Variants in MGAT4C observed in about 807,000 individuals in gnomAD.
MGAT4C encodes MGAT4 family member C, also known as alpha-1,3-mannosyl-glycoprotein 4-beta-N-acetylglucosaminyltransferase C.
Under a neutral mutation model 40.1 loss-of-function variants are expected in MGAT4C, and 19 were observed. The ratio of observed to expected loss-of-function variants is 0.47; its 90% confidence interval spans 0.33 to 0.70. The LOEUF (loss-of-function observed/expected upper bound fraction) is 0.70, where lower values mean the gene tolerates loss of function less well. Among genes scored for constraint, MGAT4C ranks in the 30% least tolerant of loss-of-function variants. MGAT4C has a pLI of 0.02. For missense variants in MGAT4C, 491 were observed against 563.2 expected (o/e 0.87, Z 1.30); for synonymous variants, 181 against 187.1 (o/e 0.97, Z 0.27).
At chr12:86,081,262 T>A (rs1870791655) in intron 1 of MGAT4C, among the ~76,000 whole-genome samples, 1 of 152,168 alleles carries the variant, frequency 6.6e-6, no homozygotes. Context: ...TAAGGAACAA[T>A]AATGAATTGA....
intron 2 of MGAT4C, among the ~76,000 whole-genome samples, chr12:86,696,600 C>T (rs1275983829): frequency 1.3e-5 from 2 of 152,122 alleles, no homozygotes; most frequent in African/African-American, 4.8e-5. Context: ...TTTTTATGAC[C>T]ATCTCATTTG....
At chr12:86,832,428 T>A (rs1193966539) in intron 1 of MGAT4C, among the ~76,000 whole-genome samples, 2 of 151,788 alleles carry the variant, frequency 1.3e-5, no homozygotes, top group African/African-American at 4.8e-5. Flanking sequence ...TTATCCATAC[T>A]CATTCAGCAA....
chr12:86,721,480 C>T (rs879625765), intron 2 of MGAT4C, among the ~76,000 whole-genome samples: 4 of 151,982 alleles, frequency 2.6e-5, no homozygotes, highest in Middle Eastern at 3.2e-3. Flanking sequence ...TTGGATTCAC[C>T]TTTAAAATGT....
chr12:86,810,947 G>C (rs1952459686), intron 1 of MGAT4C, among the ~76,000 whole-genome samples: 1 of 149,946 alleles, frequency 6.7e-6, no homozygotes, highest in African/African-American at 2.4e-5. Flanking sequence ...CCTGCTTTTT[G>C]CTCTGAGTTT....
intron 2 of MGAT4C, among the ~76,000 whole-genome samples, chr12:86,539,697 T>C (rs1170787399): frequency 6.6e-6 from 1 of 152,230 alleles, no homozygotes; most frequent in Non-Finnish European, 1.5e-5. Flanking sequence ...TTCCTGACTT[T>C]TTAATGATAG....
At chr12:86,584,511 G>T (rs1293904846) in intron 2 of MGAT4C, among the ~76,000 whole-genome samples, 2 of 150,838 alleles carry the variant, frequency 1.3e-5, no homozygotes, top group East Asian at 3.9e-4. Flanking sequence ...ATTTACATTT[G>T]ATCCCAGAGT....
chr12:86,573,032 A>C (rs1223859331), intron 2 of MGAT4C, among the ~76,000 whole-genome samples: 1 of 151,854 alleles, frequency 6.6e-6, no homozygotes, highest in East Asian at 1.9e-4. Context: ...TAGATAAAAC[A>C]TGTCTGTTTT....
intron 1 of MGAT4C, among the ~76,000 whole-genome samples, chr12:86,782,111 G>C (rs973297227): frequency 6.7e-6 from 1 of 148,336 alleles, no homozygotes; most frequent in Non-Finnish European, 1.5e-5. Context: ...TCCTGCCTCA[G>C]CCTTCTGAGT....
chr12:86,055,962 A>G (rs569841477), intron 1 of MGAT4C, among the ~76,000 whole-genome samples: 1 of 152,206 alleles, frequency 6.6e-6, no homozygotes, highest in South Asian at 2.1e-4. Flanking sequence ...TCATTTTCAG[A>G]GAAAAGTAGC....
At chr12:86,833,964 A>G (rs1310916224) in intron 1 of MGAT4C, among the ~76,000 whole-genome samples, 1 of 151,760 alleles carries the variant, frequency 6.6e-6, no homozygotes, top group Non-Finnish European at 1.5e-5. Context: ...ACTTAGCATA[A>G]TGTCCTCCAG....
chr12:86,065,244 C>G (rs1242427086), intron 1 of MGAT4C, among the ~76,000 whole-genome samples: 1 of 152,124 alleles, frequency 6.6e-6, no homozygotes, highest in East Asian at 1.9e-4. Flanking sequence ...CAAAACATGG[C>G]AGAGACACAA....
chr12:86,295,121 T>C (rs1204252381), intron 4 of MGAT4C, among the ~76,000 whole-genome samples: 1 of 152,206 alleles, frequency 6.6e-6, no homozygotes, highest in Non-Finnish European at 1.5e-5. Context: ...TATTATTTTA[T>C]TCAGGCTTTT....
At chr12:86,371,535 T>G (rs1955714277) in intron 3 of MGAT4C, among the ~76,000 whole-genome samples, 1 of 152,008 alleles carries the variant, frequency 6.6e-6, no homozygotes, top group African/African-American at 2.4e-5. Flanking sequence ...TAACAGTGAC[T>G]GGCCTCATGT....
Position 86,818,737 on chromosome 12 carries a change from T to C in MGAT4C, c.-262+19929A>G, listed in dbSNP as rs562306300. 1.1e-4 allele frequency among the ~76,000 whole-genome samples: 16 copies of C among 151,306 alleles called. No homozygotes were observed. The South Asian group carries it at 3.1e-3, about 29-fold the overall frequency. On this transcript the variant is annotated intron_variant, in intron 1 of 7. Coordinates refer to the MGAT4C transcript ENST00000548651. ...TAAGAGCAAGGACAATTGGATTTCC[T>C]TTGTCATCTCAAGTGCTAGAACAGA...
In MGAT4C at chr12:86,535,867, T is replaced by A. The variant is rs574225480; in HGVS notation, c.-228-100602A>T. Reference sequence around the variant, plus strand: ...TCAAGCCTTTATTTGTATGAAAGTTTGAATTCAAAAGAGATGTGTAAACAA... The same window carrying A: ...TCAAGCCTTTATTTGTATGAAAGTTAGAATTCAAAAGAGATGTGTAAACAA... On this transcript the variant is annotated intron_variant, in intron 2 of 7. Transcript: ENST00000548651. Among the ~76,000 whole-genome samples the A allele has an allele frequency of 2.6e-5, 4 of 152,234 alleles. No homozygotes were observed. The East Asian group carries it at 5.8e-4, about 22-fold the overall frequency.
chr12:86,517,332 C>T (rs1318839670), intron 2 of MGAT4C, among the ~76,000 whole-genome samples: 1 of 151,972 alleles, frequency 6.6e-6, no homozygotes, highest in African/African-American at 2.4e-5. Flanking sequence ...GTTCATGTCA[C>T]ATATATACTG....
At chr12:86,004,194 A>T (rs1474764217) in intron 2 of MGAT4C, among the ~76,000 whole-genome samples, 6 of 152,192 alleles carry the variant, frequency 3.9e-5, no homozygotes, top group African/African-American at 1.4e-4. Context: ...GCATTGCATG[A>T]AAAGACACTT....
intron 4 of MGAT4C, among the ~76,000 whole-genome samples, chr12:86,329,521 T>C (rs1954609770): frequency 6.6e-6 from 1 of 152,190 alleles, no homozygotes; most frequent in African/African-American, 2.4e-5. Flanking sequence ...TAATTCTTAC[T>C]AAACACCTTC....
chr12:86,054,776 T>C (rs1349118221), intron 1 of MGAT4C, among the ~76,000 whole-genome samples: 2 of 151,850 alleles, frequency 1.3e-5, no homozygotes, highest in Non-Finnish European at 2.9e-5. Flanking sequence ...TTTCTGTCTG[T>C]TAGGTTTATC....
Sources: allele counts gnomAD v4.1 joint callset (sites outside exome capture counted in the v4.1 genomes callset), GRCh38; gene constraint gnomAD v4.1.1; transcripts MANE v1.5; gene names NCBI Gene and HGNC (gene_info 2026-07-23, HGNC 2026-07-21).